Variants in NOX3 observed in about 807,000 individuals in gnomAD.
NOX3 encodes the protein NADPH oxidase 3, also known as NADPH oxidase catalytic subunit-like 3.
NOX3 carries 74 observed loss-of-function variants against 76.7 expected under a neutral mutation model. The ratio of observed to expected loss-of-function variants is 0.96; its 90% confidence interval spans 0.80 to 1.17. NOX3 has a LOEUF of 1.17. Among genes scored for constraint, NOX3 ranks in the 50% most tolerant of loss-of-function variants. NOX3 has a pLI of 0.00. For missense variants in NOX3, 695 were observed against 703.3 expected (o/e 0.99, Z 0.13); for synonymous variants, 263 against 261.1 (o/e 1.01, Z -0.07).
rs1776823088 is a variant in NOX3, at chr6:155,430,855, A to G, written c.879T>C (p.Val293=). ...IIRFWRFQQE[V]VITKVVSHPS... is the part of the protein sequence containing the mutation. Reference sequence around the variant, plus strand: ...GCTACATGCATACCTTGGTAATGACAACTTCTTGTTGAAATCGCCAGAACC... The same window carrying G: ...GCTACATGCATACCTTGGTAATGACGACTTCTTGTTGAAATCGCCAGAACC... Residue 293 remains valine (V), a synonymous_variant, in exon 8 of 14, where the codon GTT becomes GTC. Coordinates refer to ENST00000159060, the MANE Select transcript of NOX3 (RefSeq NM_015718.3). The G allele has an allele frequency of 1.2e-6, 2 of 1,611,328 alleles. No homozygotes were observed. Among genetic ancestry groups the G allele is most frequent in the Non-Finnish European group, 8.5e-7 (1 of 1,177,718 alleles).
At chr6:155,443,466 T>C (rs1777021847) in intron 4 of NOX3, 48 bp from the exon 5 acceptor site, 2 of 1,587,180 alleles carry the variant, frequency 1.3e-6, no homozygotes, top group Non-Finnish European at 1.7e-6. Context: ...GCTTGCTTTC[T>C]CCCTAGTTAC....
intron 10 of NOX3, among the ~76,000 whole-genome samples, chr6:155,417,268 T>C (rs1776633088): frequency 6.6e-6 from 1 of 152,170 alleles, no homozygotes; most frequent in South Asian, 2.1e-4. Flanking sequence ...GGTATATGCA[T>C]ATAAATGCAT....
intron 5 of NOX3, among the ~76,000 whole-genome samples, chr6:155,443,069 C>G (rs1026326168): frequency 6.6e-6 from 1 of 152,090 alleles, no homozygotes; most frequent in Non-Finnish European, 1.5e-5. Flanking sequence ...GGTGACATAT[C>G]TTTTTCTCCT....
chr6:155,399,077 GA>G (rs1403972260), intron 12 of NOX3, among the ~76,000 whole-genome samples: 1 of 152,212 alleles, frequency 6.6e-6, no homozygotes, highest in Non-Finnish European at 1.5e-5. Context: ...GCTCTGGACT[GA>G]AACATTTTGA....
At chr6:155,439,271 A>T (rs973511466) in intron 6 of NOX3, among the ~76,000 whole-genome samples, 40 of 152,368 alleles carry the variant, frequency 2.6e-4, no homozygotes, top group African/African-American at 9.1e-4. Flanking sequence ...TTGATGTATT[A>T]GTCCAGGGCC....
intron 12 of NOX3, 65 bp from the exon 13 acceptor site, chr6:155,397,027 A>G: frequency 6.8e-7 from 1 of 1,470,452 alleles, no homozygotes. Context: ...AGAAGCCAAG[A>G]CAATGATAAG....
intron 7 of NOX3, among the ~76,000 whole-genome samples, chr6:155,434,785 GC>G (rs1776879846): frequency 6.6e-6 from 1 of 152,186 alleles, no homozygotes; most frequent in Non-Finnish European, 1.5e-5. Flanking sequence ...AGGAGGGACT[GC>G]CGGGTATAGT....
chr6:155,437,361 A>G (rs905198992), intron 6 of NOX3, among the ~76,000 whole-genome samples: 2 of 152,156 alleles, frequency 1.3e-5, no homozygotes, highest in Non-Finnish European at 1.5e-5. Context: ...GTTTTGAGAA[A>G]CATGCTACTC....
At chr6:155,417,769 T>G (rs971309243) in intron 10 of NOX3, among the ~76,000 whole-genome samples, 34 of 151,968 alleles carry the variant, frequency 2.2e-4, no homozygotes, top group African/African-American at 7.5e-4. Context: ...CTTTGTTTTA[T>G]TAATATATTT....
intron 12 of NOX3, among the ~76,000 whole-genome samples, chr6:155,405,430 T>G (rs1776435886): frequency 6.6e-6 from 1 of 152,218 alleles, no homozygotes; most frequent in African/African-American, 2.4e-5. Context: ...CATCTATATC[T>G]GCCTGTCTGG....
chr6:155,419,886 C>T (rs1394989210), intron 10 of NOX3, among the ~76,000 whole-genome samples: 2 of 151,964 alleles, frequency 1.3e-5, no homozygotes, highest in Admixed American at 1.3e-4. Context: ...GTTACATAAA[C>T]AAAACCTTAA....
chr6:155,436,764 C>T (rs1204336825), intron 6 of NOX3, among the ~76,000 whole-genome samples: 1 of 151,996 alleles, frequency 6.6e-6, no homozygotes, highest in Non-Finnish European at 1.5e-5. Context: ...AAAGAAGGGC[C>T]CCTCTGTGGT....
chr6:155,408,743 A>T (rs1054402848), intron 11 of NOX3, among the ~76,000 whole-genome samples: 8 of 152,234 alleles, frequency 5.3e-5, no homozygotes, highest in African/African-American at 1.7e-4. Context: ...AAAACGTGTT[A>T]TATACATACT....
At chr6:155,454,756 A>T in intron 3 of NOX3, 55 bp downstream of exon 3, 2 of 1,020,240 alleles carry the variant, frequency 2.0e-6, no homozygotes, top group Non-Finnish European at 2.9e-6. Context: ...TTTCAATGGC[A>T]CTTATATGAG....
At chr6:155,405,468 A>G (rs960848461) in intron 12 of NOX3, among the ~76,000 whole-genome samples, 1 of 152,160 alleles carries the variant, frequency 6.6e-6, no homozygotes, top group Admixed American at 6.5e-5. Flanking sequence ...ACGGCTCCAA[A>G]CAGTCCATGT....
intron 4 of NOX3, 81 bp downstream of exon 4, chr6:155,453,323 G>T: frequency 9.3e-7 from 1 of 1,072,596 alleles, no homozygotes; most frequent in Non-Finnish European, 1.5e-6. Flanking sequence ...GGTGAGACTT[G>T]GGGAAGGCAG....
chr6:155,408,485 C>G (rs980505101), intron 11 of NOX3, among the ~76,000 whole-genome samples: 3 of 152,084 alleles, frequency 2.0e-5, no homozygotes, highest in Non-Finnish European at 4.4e-5. Flanking sequence ...AACTCATGCC[C>G]CAGGTTCCCA....
At chr6:155,437,042 A>G (rs1186884033) in intron 6 of NOX3, among the ~76,000 whole-genome samples, 1 of 152,206 alleles carries the variant, frequency 6.6e-6, no homozygotes, top group African/African-American at 2.4e-5. Flanking sequence ...CCTAGTGACC[A>G]CCAGCAAGCC....
At chr6:155,442,072 G>A (rs1288400911) in intron 5 of NOX3, among the ~76,000 whole-genome samples, 4 of 152,144 alleles carry the variant, frequency 2.6e-5, no homozygotes, top group South Asian at 4.2e-4. Context: ...AGACCATCCT[G>A]GCTAACACAG....
Sources: allele counts gnomAD v4.1 joint callset (sites outside exome capture counted in the v4.1 genomes callset), GRCh38; gene constraint gnomAD v4.1.1; transcripts MANE v1.5; gene names NCBI Gene and HGNC (gene_info 2026-07-23, HGNC 2026-07-21).